TJP1: variants seen among roughly 807,000 people sequenced by gnomAD.
TJP1 encodes the protein tight junction protein ZO-1.
A neutral mutation model predicts 194.2 loss-of-function variants in TJP1; 43 were observed. That is an observed-to-expected ratio of 0.22 (90% CI 0.17 to 0.29). TJP1 has a LOEUF of 0.29. Ranked by LOEUF, TJP1 falls within the 10% of genes least tolerant of loss-of-function variation. TJP1 has a pLI of 1.00. For missense variants in TJP1, 1,971 were observed against 2,185.7 expected, an observed-to-expected ratio of 0.90 and a Z score of 1.96; for synonymous variants, 801 against 779.0, an observed-to-expected ratio of 1.03 and a Z score of -0.47.
At chr15:29,732,984 G>A (rs1202534069) in intron 13 of TJP1, 110 bp downstream of exon 13, 4 of 1,312,314 alleles carry the variant, frequency 3.0e-6, no homozygotes, top group Non-Finnish European at 4.2e-6. Flanking sequence ...TAGATACGTT[G>A]AATACAATGA....
At chr15:29,926,244 T>A (rs2054519765) in intron 2 of TJP1, among the ~76,000 whole-genome samples, 1 of 152,238 alleles carries the variant, frequency 6.6e-6, no homozygotes, top group Admixed American at 6.5e-5. Context: ...CTTTACTGCA[T>A]AATCTTTATC....
intron 2 of TJP1, among the ~76,000 whole-genome samples, chr15:29,799,539 C>T (rs1273771313): frequency 6.6e-5 from 10 of 151,800 alleles, no homozygotes; most frequent in African/African-American, 1.9e-4. Context: ...CTCAGCCTCC[C>T]GAGTAGCTGG....
At position 29,774,070 on chromosome 15, in the gene TJP1, C is replaced by T. The variant is rs577596720; in HGVS notation, c.85-713G>A. On this transcript the variant is annotated intron_variant, in intron 2 of 27. Coordinates refer to ENST00000614355, the MANE Select transcript of TJP1 (RefSeq NM_001330239.4). ...CTAATCTCAAAGAAATCACTATTCC[C>T]TAGAAAGGATATGAAGTACTTAAGA... Among the ~76,000 whole-genome samples the T allele has an allele frequency of 2.6e-5, 4 of 152,248 alleles. No individual in the cohort carries two copies. The South Asian group carries it at 8.3e-4, about 32-fold the overall frequency.
chr15:29,925,907 C>A (rs1433880731), intron 2 of TJP1, among the ~76,000 whole-genome samples: 4 of 152,188 alleles, frequency 2.6e-5, no homozygotes, highest in Non-Finnish European at 5.9e-5. Context: ...CTGTTCCCTG[C>A]CATCTCTTAA....
chr15:29,735,577 G>A (rs1401867189), intron 11 of TJP1, among the ~76,000 whole-genome samples: 6 of 144,170 alleles, frequency 4.2e-5, no homozygotes, highest in Admixed American at 1.4e-4. Context: ...ACAGTGAGGC[G>A]CTGTCTCAAG....
intron 2 of TJP1, among the ~76,000 whole-genome samples, chr15:29,927,771 G>C (rs571373701): frequency 6.6e-6 from 1 of 152,144 alleles, no homozygotes; most frequent in South Asian, 2.1e-4. Flanking sequence ...CTCCATCCAG[G>C]GCTGAAGGCA....
At chr15:29,761,578 CG>C in intron 7 of TJP1, 22 bp downstream of exon 7, 1 of 1,574,144 alleles carries the variant, frequency 6.4e-7, no homozygotes, top group Non-Finnish European at 8.6e-7. Context: ...TTAGAGGGAA[CG>C]TTCAAACAGA....
At chr15:29,720,835 T>C in intron 18 of TJP1, 127 bp from the exon 19 acceptor site, 1 of 755,794 alleles carries the variant, frequency 1.3e-6, no homozygotes, top group Non-Finnish European at 2.1e-6. Flanking sequence ...TTGAAACTTC[T>C]GGTAAGGAAA....
chr15:29,719,943 T>C lies in TJP1; in HGVS notation c.2837A>G (p.Asn946Ser). The change falls in exon 20 of 28, where the codon AAT (asparagine) becomes AGT (serine). Residue 946 changes from asparagine to serine, a missense_variant. Physicochemically the swap from Asn to Ser is conservative, Grantham distance 46. Coordinates refer to ENST00000614355, the MANE Select transcript of TJP1 (RefSeq NM_001330239.4). ...GACATTAGTTAAATTTACATTATGA[T>C]TAACAGCAGAGGTTGATGATGCTGG... ...TNPASSTSAV[N>S]HNVNLTNVRL... The C allele has an allele frequency of 6.2e-7, 1 of 1,614,154 alleles. No individual in the cohort carries two copies. Among genetic ancestry groups the C allele is most frequent in the Non-Finnish European group, 8.5e-7 (1 of 1,180,028 alleles).
rs2043754388 is a variant in TJP1, at chr15:29,732,812, A to G, written c.1740T>C (p.Ala580=). Reference sequence around the variant, plus strand: ...TATACTGTACACTGGCTAGCTGCTCAGCTCTACACAAGAAAGGAGAAAATT... The same window carrying G: ...TATACTGTACACTGGCTAGCTGCTCGGCTCTACACAAGAAAGGAGAAAATT... ...ERGIIPNKNR[A]EQLASVQYTL... Residue 580 remains alanine, a synonymous_variant, in exon 14 of 28, where the codon GCT becomes GCC. Transcript: ENST00000614355. 1 of 1,573,356 alleles carries G rather than the reference A, an allele frequency of 6.4e-7. No individual in the cohort carries two copies. Among genetic ancestry groups the G allele is most frequent in the South Asian group, 1.2e-5 (1 of 84,894 alleles).
At chr15:29,811,532 T>TTAG (rs1415650749) in intron 1 of TJP1, among the ~76,000 whole-genome samples, 9 of 152,134 alleles carry the variant, frequency 5.9e-5, no homozygotes, top group Non-Finnish European at 1.0e-4. Context: ...GAATAGAACT[T>TTAG]GCTAATCAAC....
At chr15:29,848,119 C>T (rs1190210866) in intron 2 of TJP1, among the ~76,000 whole-genome samples, 4 of 150,754 alleles carry the variant, frequency 2.7e-5, no homozygotes, top group African/African-American at 7.3e-5. Flanking sequence ...TTTTATGACC[C>T]AAGATATGAT....
At chr15:29,863,826 T>C (rs976184587) in intron 2 of TJP1, among the ~76,000 whole-genome samples, 11 of 152,158 alleles carry the variant, frequency 7.2e-5, no homozygotes, top group African/African-American at 2.7e-4. Flanking sequence ...TTTGCTGAAC[T>C]TGCTACTCTG....
At chr15:29,819,489 T>C (rs534929487) in intron 1 of TJP1, among the ~76,000 whole-genome samples, 2 of 152,224 alleles carry the variant, frequency 1.3e-5, no homozygotes, top group Non-Finnish European at 2.9e-5. Context: ...CTGATGATCA[T>C]AATTACTAAA....
At chr15:29,895,874 C>A (rs1286833585) in intron 2 of TJP1, among the ~76,000 whole-genome samples, 1 of 152,160 alleles carries the variant, frequency 6.6e-6, no homozygotes, top group Non-Finnish European at 1.5e-5. Flanking sequence ...TCTCTGGAGG[C>A]TGAGAAGTCC....
upstream of TJP1, among the ~76,000 whole-genome samples, chr15:29,826,365 T>C (rs1173350262): frequency 6.6e-6 from 1 of 152,126 alleles, no homozygotes; most frequent in Non-Finnish European, 1.5e-5. Context: ...CAGGCTGGCA[T>C]ACAGGCCTCT....
intron 8 of TJP1, chr15:29,759,615 T>A (rs955059995): frequency 5.3e-5 from 8 of 152,216 alleles, no homozygotes; most frequent in Non-Finnish European, 7.3e-5. Flanking sequence ...TTAACAAACA[T>A]CTCCCCATTC....
intron 2 of TJP1, among the ~76,000 whole-genome samples, chr15:29,885,081 A>G (rs1023554501): frequency 2.0e-5 from 3 of 152,218 alleles, no homozygotes; most frequent in African/African-American, 7.2e-5. Context: ...CATTTTAGGT[A>G]TGGAATCTCT....
chr15:29,943,723 C>T (rs1490300075), intron 2 of TJP1, among the ~76,000 whole-genome samples: 2 of 145,690 alleles, frequency 1.4e-5, no homozygotes, highest in Non-Finnish European at 3.0e-5. Flanking sequence ...CCAAGGTGGG[C>T]AGATCATCTG....
Sources: gnomAD v4.1 joint callset for allele counts (sites outside exome capture counted in the v4.1 genomes callset) on GRCh38, gnomAD v4.1.1 for gene constraint, MANE v1.5 for transcripts, NCBI Gene and HGNC (gene_info 2026-07-23, HGNC 2026-07-21) for gene names.